Variants in LIN7A observed in about 807,000 individuals in gnomAD.
LIN7A encodes protein lin-7 homolog A.
Under a neutral mutation model 29.8 loss-of-function variants are expected in LIN7A, and 25 were observed. The ratio of observed to expected loss-of-function variants is 0.84; its 90% CI spans 0.61 to 1.17. The LOEUF (loss-of-function observed/expected upper bound fraction) is 1.17. Among genes scored for constraint, LIN7A ranks in the 50% most tolerant of loss-of-function variants. LIN7A has a pLI of 0.00. For synonymous variants in LIN7A, 118 were observed against 107.5 expected, an observed-to-expected ratio of 1.10 and a Z score of -0.60; for missense variants, 239 against 287.0, an observed-to-expected ratio of 0.83 and a Z score of 1.21.
intron 1 of LIN7A, among the ~76,000 whole-genome samples, chr12:80,932,225 TG>T (rs1877953396): frequency 6.6e-6 from 1 of 152,204 alleles, no homozygotes; most frequent in Admixed American, 6.5e-5. Context: ...ATGACAAGTG[TG>T]GCACCCATGG....
chr12:80,911,050 A>G (rs1021133117), intron 1 of LIN7A, among the ~76,000 whole-genome samples: 9 of 152,178 alleles, frequency 5.9e-5, no homozygotes, highest in Admixed American at 4.6e-4. Context: ...ACTACAAATT[A>G]ATTTTTATAA....
At chr12:80,841,913 G>A in intron 4 of LIN7A, 1 of 1,038,138 alleles carries the variant, frequency 9.6e-7, no homozygotes, top group Non-Finnish European at 1.2e-6. Flanking sequence ...TTTTAATTCA[G>A]CATTCAGTTG....
chr12:80,934,474 A>G (rs555442229), intron 1 of LIN7A, among the ~76,000 whole-genome samples: 1 of 152,330 alleles, frequency 6.6e-6, no homozygotes, highest in Non-Finnish European at 1.5e-5. Flanking sequence ...GGCCCAGCCT[A>G]GACCTTGAAA....
intron 1 of LIN7A, among the ~76,000 whole-genome samples, chr12:80,919,142 C>G (rs1049993453): frequency 2.6e-5 from 4 of 152,288 alleles, no homozygotes; most frequent in African/African-American, 9.6e-5. Context: ...GGAATGCATG[C>G]CGGTAGTTGC....
At chr12:80,919,245 C>T (rs1877178084) in intron 1 of LIN7A, among the ~76,000 whole-genome samples, 2 of 152,158 alleles carry the variant, frequency 1.3e-5, no homozygotes, top group Non-Finnish European at 2.9e-5. Flanking sequence ...TCTTACTCTG[C>T]TAGGTGAGAA....
chr12:80,919,477 T>C (rs941529596), intron 1 of LIN7A, among the ~76,000 whole-genome samples: 8 of 152,160 alleles, frequency 5.3e-5, no homozygotes, highest in African/African-American at 1.7e-4. Flanking sequence ...GATGAGTATA[T>C]AACCTTTGAG....
At chr12:80,931,778 G>A (rs1468040098) in intron 1 of LIN7A, among the ~76,000 whole-genome samples, 1 of 152,126 alleles carries the variant, frequency 6.6e-6, no homozygotes, top group African/African-American at 2.4e-5. Flanking sequence ...GAGAAAATAT[G>A]AGAGAGCAAG....
chr12:80,869,934 C>T (rs1874344769), intron 2 of LIN7A, among the ~76,000 whole-genome samples: 1 of 152,010 alleles, frequency 6.6e-6, no homozygotes, highest in East Asian at 1.9e-4. Context: ...AAGAATTTCT[C>T]ATGAATTTTG....
At chr12:80,864,972 C>A (rs1189378374) in intron 2 of LIN7A, among the ~76,000 whole-genome samples, 1 of 152,188 alleles carries the variant, frequency 6.6e-6, no homozygotes. Context: ...TACTTACCCT[C>A]AATCTGGTAA....
chr12:80,841,342 GGGAA>G (rs201176926), intron 4 of LIN7A, among the ~76,000 whole-genome samples: 20,463 of 125,474 alleles, frequency 0.16, 1,740 homozygotes, highest in East Asian at 0.17. Flanking sequence ...GAAAGAGGGA[GGGAA>G]GGAAGGAAGG....
chr12:80,936,757 A>AAGCG (rs1878247665), intron 1 of LIN7A: 1 of 152,328 alleles, frequency 6.6e-6, no homozygotes, highest in South Asian at 2.1e-4. Context: ...CCTGGGGAGG[A>AAGCG]AGCGAACACT....
chr12:80,805,591 CCT>C lies in LIN7A; in HGVS notation c.*5872_*5873del, dbSNP rs140366293. Among the ~76,000 whole-genome samples, 1,280 of 152,084 alleles carry C rather than the reference CCT, an allele frequency of 8.4e-3. 15 individuals carry two copies. Among genetic ancestry groups the C allele is most frequent in the African/African-American group, 0.029 (1,210 of 41,492 alleles). ...GAATGTTGATATCTCCAGAGATATT[CCT>C]CTTTCTTCTTATTTTTATTTTTTGA... On this transcript the variant is annotated intron_variant, in intron 5 of 5. Transcript: ENST00000552864.
intron 2 of LIN7A, among the ~76,000 whole-genome samples, chr12:80,851,825 A>C (rs879384344): frequency 6.6e-6 from 1 of 152,146 alleles, no homozygotes; most frequent in African/African-American, 2.4e-5. Context: ...AATTCATAGA[A>C]ACTCATAGGG....
intron 2 of LIN7A, among the ~76,000 whole-genome samples, chr12:80,882,126 T>C (rs2120591136): frequency 1.3e-5 from 2 of 152,088 alleles, no homozygotes; most frequent in Non-Finnish European, 2.9e-5. Context: ...TTTTGAATGA[T>C]CAAGAACTAC....
chr12:80,902,081 A>T (rs1201067252), intron 1 of LIN7A, among the ~76,000 whole-genome samples: 1 of 152,078 alleles, frequency 6.6e-6, no homozygotes, highest in Non-Finnish European at 1.5e-5. Flanking sequence ...ATGACTACCC[A>T]GTTATACCCA....
At chr12:80,833,965 C>T (rs1474163507) in intron 4 of LIN7A, among the ~76,000 whole-genome samples, 1 of 152,180 alleles carries the variant, frequency 6.6e-6, no homozygotes, top group Non-Finnish European at 1.5e-5. Flanking sequence ...TCTCTGCTCA[C>T]TTATCTAATC....
chr12:80,923,047 T>G (rs1046860316), intron 1 of LIN7A, among the ~76,000 whole-genome samples: 1 of 152,180 alleles, frequency 6.6e-6, no homozygotes, highest in African/African-American at 2.4e-5. Context: ...GACTGGAATT[T>G]GAGTCAGTGA....
At chr12:80,801,670 A>G (rs1278201318) in intron 5 of LIN7A, among the ~76,000 whole-genome samples, 1 of 152,222 alleles carries the variant, frequency 6.6e-6, no homozygotes, top group Non-Finnish European at 1.5e-5. Context: ...ATCACCACAC[A>G]TACTTATTTT....
At chr12:80,862,798 G>T (rs1592905090) in intron 2 of LIN7A, among the ~76,000 whole-genome samples, 1 of 152,184 alleles carries the variant, frequency 6.6e-6, no homozygotes, top group African/African-American at 2.4e-5. Context: ...GGAAGGCAGA[G>T]CATTGCCTTG....
Sources: allele counts gnomAD v4.1 joint callset (sites outside exome capture counted in the v4.1 genomes callset), GRCh38; gene constraint gnomAD v4.1.1; transcripts MANE v1.5; gene names NCBI Gene and HGNC (gene_info 2026-07-23, HGNC 2026-07-21).